Variants in WRN observed in about 807,000 individuals in gnomAD.
WRN encodes WRN RecQ like helicase.
WRN carries 149 observed loss-of-function variants against 180.7 expected under a neutral mutation model. That is an observed-to-expected ratio of 0.82 (90% CI 0.72 to 0.94). The LOEUF is 0.94. WRN is among the 40% of genes least tolerant of loss of function. WRN has a pLI of 0.00. For synonymous variants in WRN, 548 were observed against 568.9 expected (o/e 0.96, Z 0.52); for missense variants, 1,661 against 1,700.1 (o/e 0.98, Z 0.40).
chr8:31,065,142 G>T, intron 5 of WRN, 79 bp downstream of exon 5: 1 of 1,478,318 alleles, frequency 6.8e-7, no homozygotes, highest in Non-Finnish European at 9.2e-7. Flanking sequence ...CTGAATGTTA[G>T]ATTTTTTTTT....
intron 34 of WRN, 53 bp downstream of exon 34, chr8:31,167,283 A>G (rs1406354301): frequency 2.6e-5 from 38 of 1,435,734 alleles, no homozygotes; most frequent in Non-Finnish European, 3.1e-5. Flanking sequence ...CAATTTGCAT[A>G]TCCTAGTACT....
chr8:31,125,091 T>G, intron 23 of WRN, 91 bp downstream of exon 23: 1 of 1,238,552 alleles, frequency 8.1e-7, no homozygotes, highest in Non-Finnish European at 1.2e-6. Context: ...ATGATAAGTA[T>G]TTCAGTTTTT....
intron 20 of WRN, among the ~76,000 whole-genome samples, chr8:31,118,297 T>A (rs1034393542): frequency 6.6e-6 from 1 of 152,112 alleles, no homozygotes; most frequent in Non-Finnish European, 1.5e-5. Context: ...CAAATTTTTA[T>A]CCACATTACG....
At chr8:31,169,378 C>T (rs1419806293) in intron 34 of WRN, among the ~76,000 whole-genome samples, 1 of 151,842 alleles carries the variant, frequency 6.6e-6, no homozygotes, top group Non-Finnish European at 1.5e-5. Flanking sequence ...AGGAGCAACA[C>T]TATTAACTGA....
chr8:31,050,258 A>G (rs1368929658), intron 1 of WRN, among the ~76,000 whole-genome samples: 3 of 152,196 alleles, frequency 2.0e-5, no homozygotes, highest in African/African-American at 4.8e-5. Flanking sequence ...AAGCTGTGTT[A>G]TAGGCCAATA....
intron 9 of WRN, among the ~76,000 whole-genome samples, chr8:31,081,658 G>A (rs192058472): frequency 7.5e-4 from 114 of 152,202 alleles, no homozygotes; most frequent in Middle Eastern, 3.4e-3. Context: ...TTTCATAATA[G>A]ATGTCTCTGC....
intron 23 of WRN, among the ~76,000 whole-genome samples, chr8:31,128,978 T>A (rs1236009530): frequency 6.6e-6 from 1 of 152,214 alleles, no homozygotes; most frequent in African/African-American, 2.4e-5. Context: ...CTGTTTTATT[T>A]TTTTTTATTT....
chr8:31,167,205 A>G lies in WRN; in HGVS notation c.4166A>G (p.Lys1389Arg). ...ATCTGTTCAAGTTCTAAGAGAAGCA[A>G]GGAAGAAGTAGGCATCAATACTGAG... is the stretch of plus-strand genomic sequence containing the variant. Reference protein sequence around the residue: ...EEICSSSKRSKEEVGINTETS... With the variant: ...EEICSSSKRSREEVGINTETS... Residue 1389 changes from lysine to arginine, a missense_variant, in exon 34 of 35, where the codon AAG becomes AGG. Transcript: ENST00000298139. 6.2e-7 allele frequency: 1 copy of G among 1,613,130 alleles called. No individual in the cohort carries two copies. The highest frequency in any genetic ancestry group is 8.5e-7 in the Non-Finnish European group (1 of 1,179,344).
In WRN at chr8:31,043,254, GGA is replaced by G. The variant is rs1811724531; in HGVS notation, c.-77+9285_-77+9286del. Among the ~76,000 whole-genome samples the G allele has an allele frequency of 2.0e-5, 3 of 152,176 alleles. No homozygotes were observed. In the South Asian group the frequency reaches 6.2e-4, roughly 31 times the overall value. The stretch of plus-strand genomic sequence containing the variant: ...CAAAAGCATCCTTTCCCGTACCAGA[GGA>G]GAGTCCCGAAATTTGTTGCAATTGG... On this transcript the variant is annotated intron_variant, in intron 1 of 34. Coordinates refer to ENST00000298139, the MANE Select transcript of WRN (RefSeq NM_000553.6).
intron 11 of WRN, among the ~76,000 whole-genome samples, chr8:31,086,629 G>C (rs1448331635): frequency 6.6e-6 from 1 of 151,798 alleles, no homozygotes; most frequent in Non-Finnish European, 1.5e-5. Flanking sequence ...ATGTAGGTTT[G>C]TATCCCAGCT....
chr8:31,038,764 T>G (rs1446525844), intron 1 of WRN, among the ~76,000 whole-genome samples: 1 of 152,204 alleles, frequency 6.6e-6, no homozygotes, highest in Non-Finnish European at 1.5e-5. Flanking sequence ...TGGTGTGAGG[T>G]AGGGGTCCAA....
chr8:31,125,811 AT>A (rs1801908960), intron 23 of WRN, among the ~76,000 whole-genome samples: 2 of 150,572 alleles, frequency 1.3e-5, no homozygotes, highest in South Asian at 4.2e-4. Context: ...ATTGACAATA[AT>A]CTCCTTTACT....
At chr8:31,119,584 C>T (rs541223958) in intron 20 of WRN, among the ~76,000 whole-genome samples, 4 of 151,916 alleles carry the variant, frequency 2.6e-5, no homozygotes, top group East Asian at 1.9e-4. Context: ...TTAGTGTATA[C>T]GATTTACATA....
At chr8:31,122,174 A>G (rs1292783030) in intron 21 of WRN, among the ~76,000 whole-genome samples, 1 of 152,038 alleles carries the variant, frequency 6.6e-6, no homozygotes, top group East Asian at 1.9e-4. Flanking sequence ...CCCATACTTG[A>G]ATTTTGGGTA....
chr8:31,129,613 A>G (rs182915055), intron 23 of WRN, among the ~76,000 whole-genome samples: 159 of 152,346 alleles, frequency 1.0e-3, no homozygotes, highest in Non-Finnish European at 1.8e-3. Flanking sequence ...CAAAGAAAAA[A>G]TCAAACTGGA....
chr8:31,126,449 G>A (rs1355639293), intron 23 of WRN, among the ~76,000 whole-genome samples: 1 of 152,138 alleles, frequency 6.6e-6, no homozygotes, highest in Non-Finnish European at 1.5e-5. Context: ...TGAACTGAAT[G>A]AAATGAAAAT....
At chr8:31,130,020 CA>C (rs1190386295) in intron 23 of WRN, among the ~76,000 whole-genome samples, 98 of 131,810 alleles carry the variant, frequency 7.4e-4, no homozygotes, top group African/African-American at 2.7e-3. Context: ...AAAAACAAAA[CA>C]AAACAAAAAA....
Position 31,174,293 on chromosome 8 carries a change from G to T in WRN, c.*1191G>T, listed in dbSNP as rs1226120624. Among the ~76,000 whole-genome samples, 1 of 152,238 alleles carries T rather than the reference G, an allele frequency of 6.6e-6. No homozygotes were observed. Among genetic ancestry groups the T allele is most frequent in the Non-Finnish European group, 1.5e-5 (1 of 68,044 alleles). ...CTGCAATACCCTGTGAATATCCTGT[G>T]TGATGGAGTGGCAAGTACGCACAGA... On this transcript the variant is annotated 3_prime_UTR_variant, in exon 35 of 35. Coordinates refer to ENST00000298139, the MANE Select transcript of WRN (RefSeq NM_000553.6).
intron 1 of WRN, among the ~76,000 whole-genome samples, chr8:31,040,525 G>A (rs973054924): frequency 2.0e-5 from 3 of 152,150 alleles, no homozygotes; most frequent in Non-Finnish European, 4.4e-5. Context: ...TATAGATGGA[G>A]ACTCAAGAAT....
Sources: gnomAD v4.1 joint callset for allele counts (sites outside exome capture counted in the v4.1 genomes callset) on GRCh38, gnomAD v4.1.1 for gene constraint, MANE v1.5 for transcripts, NCBI Gene and HGNC (gene_info 2026-07-23, HGNC 2026-07-21) for gene names.